Variants in ERCC4 observed in about 807,000 individuals in gnomAD.
ERCC4 encodes ERCC excision repair 4, endonuclease catalytic subunit.
A neutral mutation model predicts 76.9 loss-of-function variants in ERCC4; 65 were observed. The observed-to-expected ratio is 0.84, with a 90% CI of 0.69 to 1.04. ERCC4 has a LOEUF of 1.04. Among genes scored for constraint, ERCC4 ranks in the 50% least tolerant of loss-of-function variants. The pLI, the probability that ERCC4 is intolerant of heterozygous loss-of-function variation, is 0.00. For synonymous variants in ERCC4, 463 were observed against 410.1 expected, an observed-to-expected ratio of 1.13 and a Z score of -1.56; for missense variants, 1,214 against 1,128.2, an observed-to-expected ratio of 1.08 and a Z score of -1.09.
At chr16:13,933,707 TAA>T (rs549926995) in intron 6 of ERCC4, 5 of 147,880 alleles carry the variant, frequency 3.4e-5, no homozygotes, top group Non-Finnish European at 7.5e-5. Flanking sequence ...AACTTCGTCT[TAA>T]AAAAAAAAAA....
chr16:13,924,393 C>G (rs1350204492), intron 2 of ERCC4, among the ~76,000 whole-genome samples: 2 of 152,206 alleles, frequency 1.3e-5, no homozygotes, highest in Admixed American at 6.5e-5. Context: ...CATCTCCAGA[C>G]AGAACTAAGA....
At chr16:13,930,976 T>A (rs1020531525) in intron 5 of ERCC4, 86 bp downstream of exon 5, 6 of 825,164 alleles carry the variant, frequency 7.3e-6, no homozygotes, top group African/African-American at 1.7e-5. Flanking sequence ...TGAAAAGTGC[T>A]ATATTCAACT....
intron 10 of ERCC4, among the ~76,000 whole-genome samples, chr16:13,947,383 A>T (rs2032534283): frequency 6.6e-6 from 1 of 152,224 alleles, no homozygotes; most frequent in African/African-American, 2.4e-5. Context: ...CATCGCAAGT[A>T]AGGAACTACT....
chr16:13,937,956 A>T lies in ERCC4; in HGVS notation c.1904+98A>T, dbSNP rs973170493. On this transcript the variant is annotated intron_variant, in intron 9 of 10. Transcript: ENST00000311895. ...CCTGCTCAGGAAGGATAGGGCAAGG[A>T]AGACGTTGGAGAGGATCACATTGAG... The T allele has an allele frequency of 2.4e-5, 19 of 797,576 alleles. No individual in the cohort carries two copies. The Admixed American group carries it at 2.8e-4, about 12-fold the overall frequency. The allele number at this position is 797,576 out of a possible 1,614,324, so 49.4% of individuals were successfully genotyped here. A position where few individuals can be genotyped will look rare whatever the true frequency, so the allele number is the denominator to read the frequency against.
chr16:13,946,886 G>A (rs562733180), intron 10 of ERCC4, among the ~76,000 whole-genome samples: 58 of 152,096 alleles, frequency 3.8e-4, no homozygotes, highest in African/African-American at 1.3e-3. Flanking sequence ...ACAGCCTCCC[G>A]AGTAGCTGGG....
chr16:13,930,958 A>G, intron 5 of ERCC4, 68 bp downstream of exon 5: 1 of 1,115,240 alleles, frequency 9.0e-7, no homozygotes, highest in Non-Finnish European at 1.4e-6. Flanking sequence ...TTTAGGGGGA[A>G]TCAGGTGTGA....
Position 13,927,231 on chromosome 16 carries a change from A to G in ERCC4, c.584+475A>G, listed in dbSNP as rs143389372. On this transcript the variant is annotated intron_variant, in intron 3 of 10. Transcript: ENST00000311895. ...TTCAAACATTTTTGCAACCTATGCT[A>G]CCATGTATTTTGGTTATAATATATG... Among the ~76,000 whole-genome samples the G allele has an allele frequency of 1.8e-3, 281 of 152,342 alleles. 1 individual carries two copies. Among genetic ancestry groups the G allele is most frequent in the Non-Finnish European group, 5.3e-4 (36 of 68,036 alleles).
chr16:13,937,765 G>T lies in ERCC4; in HGVS notation c.1812-1G>T. ...CCTAAAAGTTCTGTCTTAACATGCA[G>T]GGTTTACTTTCTTATATACGGAGGT... On this transcript the variant is annotated splice_acceptor_variant, in intron 8 of 10. Transcript: ENST00000311895. LOFTEE classifies it high-confidence loss of function. 1 of 1,600,864 alleles carries T rather than the reference G, an allele frequency of 6.2e-7. No homozygotes were observed. The highest frequency in any genetic ancestry group is 8.6e-7 in the Non-Finnish European group (1 of 1,168,048).
At chr16:13,925,031 A>G (rs1277040659) in intron 2 of ERCC4, among the ~76,000 whole-genome samples, 2 of 152,234 alleles carry the variant, frequency 1.3e-5, no homozygotes, top group African/African-American at 4.8e-5. Context: ...ATGATTTTAC[A>G]CATGATTTGG....
chr16:13,930,312 G>T (rs1347993987), intron 4 of ERCC4, among the ~76,000 whole-genome samples: 1 of 151,888 alleles, frequency 6.6e-6, no homozygotes, highest in Non-Finnish European at 1.5e-5. Context: ...GTCAAACTTG[G>T]CAGGAATTGA....
chr16:13,946,276 A>T (rs139241959), intron 10 of ERCC4, among the ~76,000 whole-genome samples: 20 of 152,358 alleles, frequency 1.3e-4, no homozygotes, highest in African/African-American at 4.8e-4. Flanking sequence ...CGATTTCATC[A>T]TTACATGAAC....
Position 13,948,108 on chromosome 16 carries a change from C to T in ERCC4, c.2512C>T (p.Leu838Phe). The T allele has an allele frequency of 6.2e-7, 1 of 1,614,204 alleles. No individual in the cohort carries two copies. The highest frequency in any genetic ancestry group is 8.5e-7 in the Non-Finnish European group (1 of 1,180,036). The part of the protein sequence containing the change: ...ALAITADSET[L>F]PESEKYNPGP... ...GGCCATTACAGCAGATTCTGAAACC[C>T]TTCCCGAGTCAGAGAAGTATAATCC... Residue 838 changes from leucine to phenylalanine, a missense_variant, in exon 11 of 11, where the codon CTT becomes TTT. Leu to Phe is a conservative substitution (Grantham distance 22). Transcript: ENST00000311895.
Position 13,935,184 on chromosome 16 carries a change from T to G in ERCC4, c.1252T>G (p.Ser418Ala), listed in dbSNP as rs1277161373. 1 of 1,614,114 alleles carries G rather than the reference T, an allele frequency of 6.2e-7. No homozygotes were observed. Among genetic ancestry groups the G allele is most frequent in the Non-Finnish European group, 8.5e-7 (1 of 1,179,990 alleles). The stretch of plus-strand genomic sequence containing the variant: ...TTGTGCAAGTGATGACCGAACATGT[T>G]CCCAGCTGAGAGACTATATCACTCT... ...LICASDDRTC[S>A]QLRDYITLGA... Residue 418 changes from serine (S) to alanine (A), a missense_variant, in exon 8 of 11, where the codon TCC becomes GCC. Physicochemically the swap from Ser to Ala is moderately conservative, Grantham distance 99 (BLOSUM62 1). Transcript: ENST00000311895.
At chr16:13,938,952 C>T (rs892292301) in intron 9 of ERCC4, among the ~76,000 whole-genome samples, 3 of 152,200 alleles carry the variant, frequency 2.0e-5, no homozygotes, top group Non-Finnish European at 4.4e-5. Flanking sequence ...CCCTCTTTTC[C>T]CTTCACATCC....
chr16:13,934,114 C>A (rs1274672813), intron 6 of ERCC4, 78 bp from the exon 7 acceptor site: 2 of 869,262 alleles, frequency 2.3e-6, no homozygotes, highest in African/African-American at 3.4e-5. Flanking sequence ...CTCGTGTTAT[C>A]TGTTGTTTTA....
chr16:13,924,143 C>T (rs1199393065), intron 2 of ERCC4, among the ~76,000 whole-genome samples: 1 of 152,152 alleles, frequency 6.6e-6, no homozygotes, highest in Non-Finnish European at 1.5e-5. Context: ...CCCCTGGGAT[C>T]ATCCCCCAGG....
At chr16:13,941,175 T>G (rs2032406286) in intron 9 of ERCC4, among the ~76,000 whole-genome samples, 1 of 152,224 alleles carries the variant, frequency 6.6e-6, no homozygotes, top group African/African-American at 2.4e-5. Context: ...ACCTGGATCA[T>G]GGACTCTCTC....
chr16:13,935,066 G>T lies in ERCC4; in HGVS notation c.1214-80G>T, dbSNP rs1034181404. The T allele has an allele frequency of 4.8e-6, 5 of 1,043,124 alleles. No homozygotes were observed. The African/African-American group carries it at 6.2e-5, about 13-fold the overall frequency. The allele number at this position is 1,043,124 out of a possible 1,614,324, so 64.6% of individuals were successfully genotyped here. A position where few individuals can be genotyped will look rare whatever the true frequency, so the allele number is the denominator to read the frequency against. The stretch of plus-strand genomic sequence containing the variant: ...CCAAAGGGTAAGATGTCTTCCCTTC[G>T]GGTGAAGGAATAAGGGGGCACAGGG... On this transcript the variant is annotated intron_variant, in intron 7 of 10. Transcript: ENST00000311895.
intron 8 of ERCC4, among the ~76,000 whole-genome samples, chr16:13,936,668 G>T (rs1221112681): frequency 6.6e-6 from 1 of 152,240 alleles, no homozygotes; most frequent in Non-Finnish European, 1.5e-5. Context: ...AATGGTGACT[G>T]AGTTGGCCTT....
Sources: gnomAD v4.1 joint callset for allele counts (sites outside exome capture counted in the v4.1 genomes callset) on GRCh38, gnomAD v4.1.1 for gene constraint, MANE v1.5 for transcripts, NCBI Gene and HGNC (gene_info 2026-07-23, HGNC 2026-07-21) for gene names.